CCDC66: variants seen among roughly 807,000 people sequenced by gnomAD.
The protein encoded by CCDC66 is coiled-coil domain containing 66.
In CCDC66, 133 loss-of-function variants were observed where a neutral mutation model predicts 128.3. That is an observed-to-expected ratio of 1.04 (90% CI 0.90 to 1.20). The LOEUF (loss-of-function observed/expected upper bound fraction) is 1.20. CCDC66 is among the 50% of genes most tolerant of loss of function. The pLI is 0.00. For missense variants in CCDC66, 1,126 were observed against 1,075.5 expected, an observed-to-expected ratio of 1.05 and a Z score of -0.66; for synonymous variants, 387 against 357.0, an observed-to-expected ratio of 1.08 and a Z score of -0.95.
At chr3:56,569,344 TCTC>T (rs2107824539) in intron 6 of CCDC66, 1 of 346,488 alleles carries the variant, frequency 2.9e-6, no homozygotes, top group Non-Finnish European at 6.1e-6. Flanking sequence ...GGTACCAGCA[TCTC>T]CTCGGCTTCT....
At chr3:56,611,512 G>A (rs1007984789) in intron 10 of CCDC66, among the ~76,000 whole-genome samples, 5 of 149,558 alleles carry the variant, frequency 3.3e-5, no homozygotes, top group Middle Eastern at 6.9e-3. Flanking sequence ...GAAAGAAAAC[G>A]GCTTTAGTTC....
At position 56,621,728 on chromosome 3, in the gene CCDC66, A is replaced by G; in HGVS notation, c.*110A>G. The G allele has an allele frequency of 1.5e-6, 1 of 669,636 alleles. No homozygotes were observed. The highest frequency in any genetic ancestry group is 2.4e-6 in the Non-Finnish European group (1 of 409,912). 41.5% of individuals were successfully genotyped at this position (669,636 alleles called of 1,614,324 possible). ...AGCCTAGATTTACTTATTTTTTTAA[A>G]TGCTCATTAAAAACTTGTATACTAT... On this transcript the variant is annotated 3_prime_UTR_variant, in exon 18 of 18. Coordinates refer to ENST00000394672, the MANE Select transcript of CCDC66 (RefSeq NM_001141947.3).
chr3:56,560,741 C>A (rs2064994094), intron 3 of CCDC66: 2 of 372,740 alleles, frequency 5.4e-6, no homozygotes, highest in African/African-American at 2.1e-5. Context: ...GCAAAAAAAG[C>A]CAACTGTTTT....
chr3:56,579,981 G>A (rs367573799), intron 7 of CCDC66, among the ~76,000 whole-genome samples: 11 of 151,862 alleles, frequency 7.2e-5, no homozygotes, highest in South Asian at 4.1e-4. Flanking sequence ...TTTCTGTCTC[G>A]TTGATCTGTC....
chr3:56,618,331 G>A, intron 15 of CCDC66, 119 bp downstream of exon 15: 5 of 918,566 alleles, frequency 5.4e-6, no homozygotes, highest in Non-Finnish European at 8.5e-6. Flanking sequence ...GAAAGGGTGT[G>A]GCTTCCAGGT....
At chr3:56,592,416 A>G (rs777174529) in intron 7 of CCDC66, among the ~76,000 whole-genome samples, 13 of 152,168 alleles carry the variant, frequency 8.5e-5, no homozygotes, top group Admixed American at 3.3e-4. Context: ...GCTGGAGTGC[A>G]GTGGCATGAT....
At chr3:56,615,693 AAAT>A (rs767751205) in intron 12 of CCDC66, among the ~76,000 whole-genome samples, 89 of 152,236 alleles carry the variant, frequency 5.8e-4, no homozygotes, top group Non-Finnish European at 1.1e-3. Flanking sequence ...GTTAATGTTA[AAAT>A]AATAGGTAAA....
rs1205687951 is a variant in CCDC66, at chr3:56,593,915, T to G, written c.1320-29T>G. On this transcript the variant is annotated intron_variant, in intron 9 of 17. Coordinates refer to ENST00000394672, the MANE Select transcript of CCDC66 (RefSeq NM_001141947.3). ...TTGTTGAATCTACCTTTTTGAGGTT[T>G]TGAATAGCTAATGTATGTATCTTGC... The G allele has an allele frequency of 2.5e-6, 4 of 1,610,444 alleles. No individual in the cohort carries two copies. In the South Asian group the frequency reaches 4.4e-5, roughly 18 times the overall value.
chr3:56,621,818 T>TA lies in CCDC66; in HGVS notation c.*219dup, dbSNP rs11401064. 0.19 allele frequency: 25,231 copies of TA among 133,954 alleles called. 2,471 individuals are homozygous for TA. The highest frequency in any genetic ancestry group is 0.35 in the South Asian group (1,465 of 4,130). 8.3% of individuals were successfully genotyped at this position (133,954 alleles called of 1,614,324 possible). Reference sequence around the variant, plus strand: ...TACTTCTTTTGTAAAAGCTTAGTAGTAAAAAAAAAAAAAAAAAAACCGGTT... The same window carrying TA: ...TACTTCTTTTGTAAAAGCTTAGTAGTAAAAAAAAAAAAAAAAAAAACCGGTT... On this transcript the variant is annotated 3_prime_UTR_variant, in exon 18 of 18. Transcript: ENST00000394672.
chr3:56,618,398 GT>G (rs2075813667), intron 15 of CCDC66, 186 bp downstream of exon 15: 1 of 538,630 alleles, frequency 1.9e-6, no homozygotes, highest in African/African-American at 1.9e-5. Context: ...GAAGGCCCAA[GT>G]TGGACTGGGC....
At chr3:56,600,325 T>C (rs2072934830) in intron 10 of CCDC66, among the ~76,000 whole-genome samples, 1 of 151,758 alleles carries the variant, frequency 6.6e-6, no homozygotes, top group Admixed American at 6.6e-5. Context: ...ATTTTTGTAT[T>C]TTTAGTACAG....
chr3:56,620,057 G>A (rs1349974298), intron 17 of CCDC66, 156 bp downstream of exon 17: 10 of 718,960 alleles, frequency 1.4e-5, no homozygotes, highest in Admixed American at 2.9e-5. Context: ...CAAATAAAAT[G>A]GGACTTTCCT....
At chr3:56,594,052 C>G (rs760771964) in intron 10 of CCDC66, 24 bp downstream of exon 10, 5 of 1,584,026 alleles carry the variant, frequency 3.2e-6, no homozygotes, top group Non-Finnish European at 3.5e-6. Context: ...AAACATTGTT[C>G]TTTACCTTAA....
rs529925561 is a variant in CCDC66, at chr3:56,557,468, C to G, written c.11+215C>G. Among the ~76,000 whole-genome samples, 6 of 152,202 alleles carry G rather than the reference C, an allele frequency of 3.9e-5. No homozygotes were observed. The South Asian group carries it at 1.2e-3, about 32-fold the overall frequency. ...CAGACCTTACGTTTTCACTTAATGA[C>G]TAGCATTAAAACTGCCAGTGATCCC... On this transcript the variant is annotated intron_variant, in intron 1 of 17. Transcript: ENST00000394672.
Position 56,563,828 on chromosome 3 carries a change from G to GA in CCDC66, c.254dup (p.Asn85LysfsTer9). 6.4e-7 allele frequency: 1 copy of GA among 1,561,306 alleles called. No individual in the cohort carries two copies. The highest frequency in any genetic ancestry group is 8.7e-7 in the Non-Finnish European group (1 of 1,151,816). On this transcript the variant is annotated frameshift_variant, in exon 4 of 18. Transcript: ENST00000394672. LOFTEE classifies it high-confidence loss of function. ...TTCAGAAACATCACAGGCAAAAGGT[G>GA]AAAAAAATGGAATGACTTTTTCATC...
intron 10 of CCDC66, among the ~76,000 whole-genome samples, chr3:56,606,980 TG>T (rs1278622882): frequency 6.6e-6 from 1 of 152,214 alleles, no homozygotes; most frequent in Non-Finnish European, 1.5e-5. Flanking sequence ...CTGGGTTCTC[TG>T]TTCTGTTCCA....
chr3:56,607,113 GTGGC>G (rs1171471602), intron 10 of CCDC66, among the ~76,000 whole-genome samples: 1 of 152,084 alleles, frequency 6.6e-6, no homozygotes, highest in East Asian at 1.9e-4. Flanking sequence ...TAGTCTTGCT[GTGGC>G]TATGTGGGCT....
Position 56,593,631 on chromosome 3 carries a change from T to C in CCDC66, c.1209T>C (p.Asp403=). 2 of 1,614,216 alleles carry C rather than the reference T, an allele frequency of 1.2e-6. No homozygotes were observed. Among genetic ancestry groups the C allele is most frequent in the Non-Finnish European group, 1.7e-6 (2 of 1,180,042 alleles). Residue 403 remains aspartate, a synonymous_variant, in exon 9 of 18, where the codon GAT becomes GAC. Coordinates refer to ENST00000394672, the MANE Select transcript of CCDC66 (RefSeq NM_001141947.3). ...CTCCTGACACTCAGGAGCTGGCTGA[T>C]GTCAGCAGTGTTTGTACACCTACAA... ...CVSPDTQELA[D]VSSVCTPTTG...
rs148024341 is a variant in CCDC66, at chr3:56,566,663, A to G, written c.614A>G (p.Lys205Arg). The change falls in exon 5 of 18, where the codon AAA (lysine) becomes AGA (arginine). Residue 205 changes from lysine to arginine, a missense_variant. Transcript: ENST00000394672. ...GATGAGAACATTATGGGATTATTCAAAAAAACTGAAATGGTTTCATCTGTC... is the reference window on the plus strand; with the variant it reads ...GATGAGAACATTATGGGATTATTCAGAAAAACTGAAATGGTTTCATCTGTC... ...PKDENIMGLF[K>R]KTEMVSSVPA... 1.2e-4 allele frequency: 186 copies of G among 1,610,532 alleles called. No individual in the cohort carries two copies. The African/African-American group carries it at 1.9e-3, about 17-fold the overall frequency.
Sources: allele counts gnomAD v4.1 joint callset (sites outside exome capture counted in the v4.1 genomes callset), GRCh38; gene constraint gnomAD v4.1.1; transcripts MANE v1.5; gene names NCBI Gene and HGNC (gene_info 2026-07-23, HGNC 2026-07-21).